SLC30A4: variants seen among roughly 807,000 people sequenced by gnomAD.
The protein encoded by SLC30A4 is solute carrier family 30 member 4.
In SLC30A4, 20 loss-of-function variants were observed where a neutral mutation model predicts 41.7. That is an observed-to-expected ratio of 0.48 (90% CI 0.34 to 0.70). The LOEUF is 0.70. Ranked by LOEUF, SLC30A4 falls within the 30% of genes least tolerant of loss-of-function variation. The pLI, the probability that SLC30A4 is intolerant of heterozygous loss-of-function variation, is 0.01. For missense variants in SLC30A4, 441 were observed against 529.3 expected (o/e 0.83, Z 1.64); for synonymous variants, 181 against 195.9 (o/e 0.92, Z 0.64).
chr15:45,497,285 G>A (rs755166266), intron 3 of SLC30A4: 1 of 152,162 alleles, frequency 6.6e-6, no homozygotes, highest in Non-Finnish European at 1.5e-5. Flanking sequence ...GGCCAGGGTA[G>A]TTTCAAATTC....
At chr15:45,486,584 G>C in intron 7 of SLC30A4, 27 bp downstream of exon 7, 1 of 1,564,376 alleles carries the variant, frequency 6.4e-7, no homozygotes. Context: ...ACCAACCCCA[G>C]GCCCACATTT....
intron 3 of SLC30A4, among the ~76,000 whole-genome samples, chr15:45,493,101 G>A (rs371542620): frequency 1.3e-5 from 2 of 152,124 alleles, no homozygotes; most frequent in African/African-American, 4.8e-5. Flanking sequence ...GCAAAAGCCC[G>A]TCTCTACTAA....
intron 2 of SLC30A4, among the ~76,000 whole-genome samples, chr15:45,520,015 GAATT>G (rs1892614566): frequency 6.6e-6 from 1 of 152,074 alleles, no homozygotes; most frequent in African/African-American, 2.4e-5. Context: ...GAATAAAAAT[GAATT>G]AATTCAACAA....
chr15:45,515,316 C>A (rs1892435070), intron 2 of SLC30A4, among the ~76,000 whole-genome samples: 1 of 152,070 alleles, frequency 6.6e-6, no homozygotes, highest in Non-Finnish European at 1.5e-5. Context: ...GCATGAGCCA[C>A]TGCACCCAGC....
At chr15:45,521,547 A>C (rs1450703358) in intron 2 of SLC30A4, among the ~76,000 whole-genome samples, 5 of 152,076 alleles carry the variant, frequency 3.3e-5, no homozygotes, top group African/African-American at 1.2e-4. Context: ...TGTAAAAAAA[A>C]AAAGGAGGTG....
At chr15:45,517,765 G>C (rs988294430) in intron 2 of SLC30A4, among the ~76,000 whole-genome samples, 2 of 151,768 alleles carry the variant, frequency 1.3e-5, no homozygotes, top group Non-Finnish European at 2.9e-5. Flanking sequence ...TGGCTAACAC[G>C]GTGAAACCCC....
intron 2 of SLC30A4, among the ~76,000 whole-genome samples, chr15:45,521,349 T>A (rs564448790): frequency 3.3e-5 from 5 of 152,298 alleles, no homozygotes; most frequent in Non-Finnish European, 7.3e-5. Flanking sequence ...GGCAAAAATT[T>A]CATGTTAGTT....
intron 4 of SLC30A4, among the ~76,000 whole-genome samples, chr15:45,489,760 A>G (rs912500060): frequency 6.6e-6 from 1 of 152,128 alleles, no homozygotes. Context: ...CCTAAAACTT[A>G]AAGTATAATA....
chr15:45,507,796 T>C (rs1172818848), intron 3 of SLC30A4, among the ~76,000 whole-genome samples: 1 of 152,126 alleles, frequency 6.6e-6, no homozygotes, highest in Admixed American at 6.6e-5. Flanking sequence ...CTTCTCCTGG[T>C]TCTTTAAGTT....
chr15:45,520,806 G>A, intron 2 of SLC30A4: 1 of 316,098 alleles, frequency 3.2e-6, no homozygotes, highest in South Asian at 2.7e-5. Flanking sequence ...TGTGACCTGT[G>A]TATATTCTCA....
At chr15:45,517,345 CTTTT>C (rs1166130286) in intron 2 of SLC30A4, among the ~76,000 whole-genome samples, 1 of 65,574 alleles carries the variant, frequency 1.5e-5, no homozygotes. Context: ...CCAATCCATT[CTTTT>C]TTTTTTTTTT....
intron 3 of SLC30A4, among the ~76,000 whole-genome samples, chr15:45,498,089 A>C (rs1891943234): frequency 6.6e-6 from 1 of 152,184 alleles, no homozygotes; most frequent in Non-Finnish European, 1.5e-5. Context: ...TTACAGTTTC[A>C]CTTAAACTAT....
At chr15:45,492,196 C>T (rs1040131624) in intron 3 of SLC30A4, among the ~76,000 whole-genome samples, 7 of 139,832 alleles carry the variant, frequency 5.0e-5, no homozygotes, top group Non-Finnish European at 9.0e-5. Flanking sequence ...TTCACTGTAG[C>T]ATTGTCTGTA....
rs1891618991 is a variant in SLC30A4 at position 45,482,576 on chromosome 15, GA to G, written c.*2586del. 2 of 152,076 alleles carry G rather than the reference GA, an allele frequency of 1.3e-5. No individual in the cohort carries two copies. The highest frequency in any genetic ancestry group is 2.9e-5 in the Non-Finnish European group (2 of 68,030). 9.4% of individuals were successfully genotyped at this position (152,076 alleles called of 1,614,324 possible). On this transcript the variant is annotated 3_prime_UTR_variant, in exon 8 of 8. Transcript: ENST00000261867. ...CTCAATAGATATAAAAAAATGATTA[GA>G]GTATGATGAATATTTTTTTCCTTTC...
At chr15:45,522,510 C>A in intron 1 of SLC30A4, 42 bp from the exon 2 acceptor site, 1 of 768,220 alleles carries the variant, frequency 1.3e-6, no homozygotes, top group East Asian at 2.9e-5. Context: ...GGCGCCCAAC[C>A]CTGTCCTCAA....
intron 2 of SLC30A4, 143 bp downstream of exon 2, chr15:45,521,821 G>A (rs1358435503): frequency 1.3e-6 from 1 of 760,158 alleles, no homozygotes; most frequent in African/African-American, 1.8e-5. Context: ...TTGGAACCGT[G>A]TGGCCTTTTC....
rs572623384 is a variant in SLC30A4, at chr15:45,522,511, C to G, written c.-114-43G>C. On this transcript the variant is annotated intron_variant, in intron 1 of 7. Coordinates refer to ENST00000261867, the MANE Select transcript of SLC30A4 (RefSeq NM_013309.6). ...CGTTATAAATTAAAGGCGCCCAACC[C>G]TGTCCTCAAGTTCCGAAGCCGCTGG... 30 of 765,654 alleles carry G rather than the reference C, an allele frequency of 3.9e-5. No individual in the cohort carries two copies. The African/African-American group carries it at 5.0e-4, about 13-fold the overall frequency. 47.4% of individuals were successfully genotyped at this position (765,654 alleles called of 1,614,324 possible). A position where few individuals can be genotyped will look rare whatever the true frequency, so the allele number is the denominator to read the frequency against.
At chr15:45,490,238 C>A (rs192999772) in intron 4 of SLC30A4, among the ~76,000 whole-genome samples, 2 of 151,990 alleles carry the variant, frequency 1.3e-5, no homozygotes, top group African/African-American at 4.8e-5. Context: ...ACCATAGGCA[C>A]GAGCCACCGT....
At chr15:45,521,665 C>T (rs1182196025) in intron 2 of SLC30A4, among the ~76,000 whole-genome samples, 1 of 152,000 alleles carries the variant, frequency 6.6e-6, no homozygotes, top group Non-Finnish European at 1.5e-5. Flanking sequence ...GGTATTTTAC[C>T]AGACCTTTGT....
Sources: gnomAD v4.1 joint callset for allele counts (sites outside exome capture counted in the v4.1 genomes callset) on GRCh38, gnomAD v4.1.1 for gene constraint, MANE v1.5 for transcripts, NCBI Gene and HGNC (gene_info 2026-07-23, HGNC 2026-07-21) for gene names.